The following PIK3R1 variants were observed in gnomAD, a reference collection of about 807,000 sequenced individuals.
The protein encoded by PIK3R1 is phosphoinositide-3-kinase regulatory subunit 1, also known as phosphatidylinositol 3-kinase regulatory subunit alpha.
A neutral mutation model predicts 98.0 loss-of-function variants in PIK3R1; 29 were observed. That is an observed-to-expected ratio of 0.30 (90% CI 0.22 to 0.40). The LOEUF is 0.40. Ranked by LOEUF, PIK3R1 falls within the 10% of genes least tolerant of loss-of-function variation. The pLI is 1.00. For synonymous variants in PIK3R1, 282 were observed against 311.8 expected (o/e 0.90, Z 1.01); for missense variants, 596 against 872.7 (o/e 0.68, Z 3.99).
chr5:68,246,615 G>A (rs1745100293), intron 2 of PIK3R1, among the ~76,000 whole-genome samples: 1 of 152,062 alleles, frequency 6.6e-6, no homozygotes, highest in African/African-American at 2.4e-5. Flanking sequence ...GCCCGTCCAT[G>A]TGTGTCTTTT....
At chr5:68,296,064 G>A (rs536309724) in intron 14 of PIK3R1, 107 bp from the exon 15 acceptor site, 2 of 1,059,368 alleles carry the variant, frequency 1.9e-6, no homozygotes, top group South Asian at 3.2e-5. Flanking sequence ...TGACTGGCTT[G>A]GTAGGGGCCA....
At chr5:68,273,768 A>AT in intron 3 of PIK3R1, 171 bp from the exon 4 acceptor site, 1 of 657,080 alleles carries the variant, frequency 1.5e-6, no homozygotes, top group South Asian at 2.0e-5. Flanking sequence ...TTTTGCCAAA[A>AT]TTATCAACAT....
chr5:68,293,033 A>G lies in PIK3R1; in HGVS notation c.1020-68A>G. The G allele has an allele frequency of 2.3e-6, 3 of 1,330,658 alleles. No homozygotes were observed. The South Asian group carries it at 3.7e-5, about 16-fold the overall frequency. 82.4% of individuals were successfully genotyped at this position (1,330,658 alleles called of 1,614,324 possible). On this transcript the variant is annotated intron_variant, in intron 8 of 15. Coordinates refer to ENST00000521381, the MANE Select transcript of PIK3R1 (RefSeq NM_181523.3). ...CTAAAACTGCTCTAAAAAATAGCCT[A>G]TTTTAAAAAATATAAATCTGTGGTC...
chr5:68,226,987 TGAAGCAGATG>T lies in PIK3R1; in HGVS notation c.313_322del (p.Glu105LeufsTer6). ...CTGTTGCACCAGGTTCTTCGAAAAC[TGAAGCAGATG>T]TTGAACAACAAGGTCAGTATTGATA... On this transcript the variant is annotated frameshift_variant, in exon 2 of 16. Coordinates refer to ENST00000521381, the MANE Select transcript of PIK3R1 (RefSeq NM_181523.3). LOFTEE classifies it high-confidence loss of function. The T allele has an allele frequency of 6.2e-7, 1 of 1,612,330 alleles. No individual in the cohort carries two copies. Among genetic ancestry groups the T allele is most frequent in the Non-Finnish European group, 8.5e-7 (1 of 1,179,298 alleles).
chr5:68,233,178 C>T (rs1461196958), intron 2 of PIK3R1, among the ~76,000 whole-genome samples: 1 of 152,170 alleles, frequency 6.6e-6, no homozygotes, highest in African/African-American at 2.4e-5. Flanking sequence ...AATAAGAGTG[C>T]CAAATGTGAC....
chr5:68,236,106 G>T (rs1277168918), intron 2 of PIK3R1, among the ~76,000 whole-genome samples: 1 of 151,488 alleles, frequency 6.6e-6, no homozygotes, highest in African/African-American at 2.4e-5. Context: ...CCTAACCTCA[G>T]GTGATCCACC....
chr5:68,290,658 C>T, intron 7 of PIK3R1: 3 of 1,535,676 alleles, frequency 2.0e-6, no homozygotes, highest in Non-Finnish European at 2.6e-6. Context: ...AAATGAATTC[C>T]AAGACACCAT....
intron 7 of PIK3R1, chr5:68,288,759 G>A (rs1747215231): frequency 2.5e-6 from 4 of 1,613,338 alleles, no homozygotes; most frequent in Admixed American, 1.7e-5. Context: ...AAAGTAAGTT[G>A]CCTTGAATTT....
intron 1 of PIK3R1, among the ~76,000 whole-genome samples, chr5:68,224,501 T>C (rs1238225402): frequency 6.6e-6 from 1 of 152,244 alleles, no homozygotes; most frequent in Admixed American, 6.5e-5. Context: ...GTTATTGTAT[T>C]ACAGCTAAGA....
At chr5:68,288,775 C>G in intron 7 of PIK3R1, 1 of 1,608,446 alleles carries the variant, frequency 6.2e-7, no homozygotes, top group Admixed American at 1.7e-5. Context: ...AATTTGTGCA[C>G]TTCTCTGTTC....
At chr5:68,216,228 G>A (rs1352748233) in intron 1 of PIK3R1, among the ~76,000 whole-genome samples, 2 of 152,180 alleles carry the variant, frequency 1.3e-5, no homozygotes, top group Non-Finnish European at 2.9e-5. Flanking sequence ...GCACGCCGCC[G>A]GTCGCATTTG....
At position 68,297,605 on chromosome 5, in the gene PIK3R1, G is replaced by A. The variant is rs201345202; in HGVS notation, c.*4G>A. On this transcript the variant is annotated 3_prime_UTR_variant, in exon 16 of 16. Transcript: ENST00000521381. ...ATATGCACAGCAGAGGCGATGAAGC[G>A]CTTACTCTTTGATCCTTCTCCTGAA... is the stretch of plus-strand genomic sequence containing the variant. The A allele has an allele frequency of 4.6e-5, 74 of 1,612,514 alleles. No individual in the cohort carries two copies. The highest frequency in any genetic ancestry group is 4.1e-4 in the South Asian group (37 of 90,856).
chr5:68,234,169 C>T (rs1744582697), intron 2 of PIK3R1, among the ~76,000 whole-genome samples: 1 of 152,216 alleles, frequency 6.6e-6, no homozygotes, highest in South Asian at 2.1e-4. Flanking sequence ...CCTTAACGTT[C>T]TAGTTCCAGT....
rs1747928856 is a variant in PIK3R1 at position 68,299,599 on chromosome 5, T to C, written c.*1998T>C. ...AACCATAATATGGTCACTACCCTAA[T>C]AGACTAAATGAAATCTTGCAATTTC... is the stretch of plus-strand genomic sequence containing the variant. On this transcript the variant is annotated 3_prime_UTR_variant, in exon 16 of 16. Coordinates refer to ENST00000521381, the MANE Select transcript of PIK3R1 (RefSeq NM_181523.3). 8.6e-6 allele frequency: 2 copies of C among 233,260 alleles called. No individual in the cohort carries two copies. Among genetic ancestry groups the C allele is most frequent in the South Asian group, 3.6e-4 (2 of 5,526 alleles). The allele number at this position is 233,260 out of a possible 1,614,324, so 14.4% of individuals were successfully genotyped here. A position where few individuals can be genotyped will look rare whatever the true frequency, so the allele number is the denominator to read the frequency against.
intron 2 of PIK3R1, among the ~76,000 whole-genome samples, chr5:68,247,092 G>T (rs1046088750): frequency 2.0e-5 from 3 of 152,130 alleles, no homozygotes; most frequent in Admixed American, 6.5e-5. Flanking sequence ...TTCTTTCAGC[G>T]GTGCTTTTGG....
chr5:68,257,685 A>G (rs961134543), intron 2 of PIK3R1, among the ~76,000 whole-genome samples: 2 of 152,222 alleles, frequency 1.3e-5, no homozygotes, highest in Admixed American at 6.5e-5. Flanking sequence ...TGTCATTTCC[A>G]AAGAAGATTC....
At chr5:68,234,596 A>G (rs1177776345) in intron 2 of PIK3R1, among the ~76,000 whole-genome samples, 2 of 152,192 alleles carry the variant, frequency 1.3e-5, no homozygotes, top group Admixed American at 6.5e-5. Flanking sequence ...GCAGTTAGCA[A>G]TTGCTGGTAT....
In PIK3R1 at chr5:68,292,312, A is replaced by G; in HGVS notation, c.970A>G (p.Asn324Asp). 6.2e-7 allele frequency: 1 copy of G among 1,613,720 alleles called. No homozygotes were observed. Among genetic ancestry groups the G allele is most frequent in the Non-Finnish European group, 8.5e-7 (1 of 1,179,598 alleles). The change falls in exon 8 of 16, where the codon AAC (asparagine) becomes GAC (aspartate). Residue 324 changes from asparagine to aspartate, a missense_variant. By Grantham distance (23) the Asn-to-Asp change is conservative (BLOSUM62 1). Around this residue, in one of 3 missense-constraint regions of PIK3R1, gnomAD observed 352 missense variants for 393.3 expected, o/e 0.90. Transcript: ENST00000521381. ...TACTGTAGCCAACAACGGTATGAATAACAATATGTCCTTACAAGATGCTGA... is the reference window on the plus strand; with the variant it reads ...TACTGTAGCCAACAACGGTATGAATGACAATATGTCCTTACAAGATGCTGA... Reference protein sequence around the residue: ...PTTVANNGMNNNMSLQDAEWY... With the variant: ...PTTVANNGMNDNMSLQDAEWY...
At chr5:68,272,775 A>T (rs1746414595) in intron 2 of PIK3R1, among the ~76,000 whole-genome samples, 1 of 152,218 alleles carries the variant, frequency 6.6e-6, no homozygotes, top group South Asian at 2.1e-4. Flanking sequence ...GTGGGCAGTG[A>T]TCATTCATAT....
Sources: gnomAD v4.1 joint callset for allele counts (sites outside exome capture counted in the v4.1 genomes callset) on GRCh38, gnomAD v4.1.1 for gene constraint, gnomAD v4.1.1 regional missense constraint, MANE v1.5 for transcripts, NCBI Gene and HGNC (gene_info 2026-07-23, HGNC 2026-07-21) for gene names.